NCOR1: variants seen among roughly 807,000 people sequenced by gnomAD.
The protein encoded by NCOR1 is nuclear receptor corepressor 1.
NCOR1 carries 63 observed loss-of-function variants against 288.1 expected under a neutral mutation model. The ratio of observed to expected loss-of-function variants is 0.22; its 90% CI spans 0.18 to 0.27. The LOEUF (loss-of-function observed/expected upper bound fraction) is 0.27. NCOR1 is among the 10% of genes least tolerant of loss of function. The pLI, the probability that NCOR1 is intolerant of heterozygous loss-of-function variation, is 1.00. For synonymous variants in NCOR1, 1,007 were observed against 1,065.9 expected, an observed-to-expected ratio of 0.94 and a Z score of 1.08; for missense variants, 2,397 against 3,019.2, an observed-to-expected ratio of 0.79 and a Z score of 4.83.
chr17:16,060,585 G>T (rs2060441019), intron 37 of NCOR1, among the ~76,000 whole-genome samples: 1 of 152,136 alleles, frequency 6.6e-6, no homozygotes, highest in East Asian at 1.9e-4. Context: ...CGGTAGATAT[G>T]ACGTAAACAA....
intron 1 of NCOR1, among the ~76,000 whole-genome samples, chr17:16,206,722 A>C (rs1265205337): frequency 6.6e-6 from 1 of 152,108 alleles, no homozygotes; most frequent in African/African-American, 2.4e-5. Flanking sequence ...ATGGGATATT[A>C]AGTTGCTGTT....
At chr17:16,070,927 G>T (rs1251875248) in intron 30 of NCOR1, among the ~76,000 whole-genome samples, 1 of 152,112 alleles carries the variant, frequency 6.6e-6, no homozygotes, top group African/African-American at 2.4e-5. Flanking sequence ...TACTCGGGAG[G>T]CTGGGGCAGG....
rs564891595 is a variant in NCOR1, at chr17:16,040,367, C to T, written c.6733+74G>A. 7 of 1,202,986 alleles carry T rather than the reference C, an allele frequency of 5.8e-6. No individual in the cohort carries two copies. In the South Asian group the frequency reaches 7.4e-5, roughly 13 times the overall value. The allele number at this position is 1,202,986 out of a possible 1,614,324, so 74.5% of individuals were successfully genotyped here. A position where few individuals can be genotyped will look rare whatever the true frequency, so the allele number is the denominator to read the frequency against. ...TCACTCCCCTGGTATACAGTTGGTA[C>T]TCAGTACATATTTGTTGGACTGACT... On this transcript the variant is annotated intron_variant, in intron 43 of 45. Coordinates refer to ENST00000268712, the MANE Select transcript of NCOR1 (RefSeq NM_006311.4).
At chr17:16,138,104 A>G in intron 13 of NCOR1, 54 bp downstream of exon 13, 1 of 1,465,586 alleles carries the variant, frequency 6.8e-7, no homozygotes, top group Non-Finnish European at 9.5e-7. Flanking sequence ...CAAGAATTTC[A>G]AAGTAACAAC....
chr17:16,189,261 G>A (rs1600229281), intron 2 of NCOR1, among the ~76,000 whole-genome samples: 2 of 152,174 alleles, frequency 1.3e-5, no homozygotes, highest in South Asian at 2.1e-4. Context: ...AGGCGTGGTG[G>A]CACATGTCTG....
At chr17:16,151,812 A>G in intron 8 of NCOR1, 134 bp downstream of exon 8, 2 of 950,684 alleles carry the variant, frequency 2.1e-6, no homozygotes, top group South Asian at 1.5e-5. Context: ...AACATATAAT[A>G]AAACGACAGC....
rs2152817594 is a variant in NCOR1, at chr17:16,080,669, G to C, written c.3236C>G (p.Pro1079Arg). ...AGAGATAGATCCCACTGACGGCTTGGGTGTTTCTTGAGTGTAGGAAGCCTG... is the reference window on the plus strand; with the variant it reads ...AGAGATAGATCCCACTGACGGCTTGCGTGTTTCTTGAGTGTAGGAAGCCTG... ...HNQASYTQET[P>R]KPSVGSISLG... Residue 1079 changes from proline (P) to arginine (R), a missense_variant, in exon 24 of 46, where the codon CCC becomes CGC. Physicochemically the swap from Pro to Arg is moderately radical, Grantham distance 103. Transcript: ENST00000268712. 2 of 1,613,964 alleles carry C rather than the reference G, an allele frequency of 1.2e-6. No homozygotes were observed. The highest frequency in any genetic ancestry group is 8.5e-7 in the Non-Finnish European group (1 of 1,179,966).
At chr17:16,109,018 G>A (rs1208142062) in intron 18 of NCOR1, 106 bp from the exon 19 acceptor site, 2 of 874,218 alleles carry the variant, frequency 2.3e-6, no homozygotes, top group Non-Finnish European at 3.2e-6. Flanking sequence ...CACCAGACAA[G>A]GAGGTCACAT....
At chr17:16,171,039 A>G (rs2083056026) in intron 4 of NCOR1, among the ~76,000 whole-genome samples, 1 of 152,114 alleles carries the variant, frequency 6.6e-6, no homozygotes, top group South Asian at 2.1e-4. Flanking sequence ...TATAGCTAAT[A>G]ATATGTATTA....
intron 16 of NCOR1, among the ~76,000 whole-genome samples, chr17:16,120,681 T>C (rs1169049026): frequency 2.0e-5 from 3 of 152,104 alleles, no homozygotes. Flanking sequence ...ATTACAGTGC[T>C]ATATACATTG....
At chr17:16,096,479 C>T (rs2066640497) in intron 21 of NCOR1, among the ~76,000 whole-genome samples, 1 of 152,034 alleles carries the variant, frequency 6.6e-6, no homozygotes, top group Non-Finnish European at 1.5e-5. Context: ...CTGGAGTTAG[C>T]CATAATCTCT....
At chr17:16,032,508 C>A (rs1972255643) in intron 45 of NCOR1, 25 bp from the exon 46 acceptor site, 2 of 1,557,986 alleles carry the variant, frequency 1.3e-6, no homozygotes, top group African/African-American at 1.4e-5. Flanking sequence ...ATTAGGTTTT[C>A]ATTGTCATGA....
chr17:16,072,118 A>C, intron 29 of NCOR1, 27 bp downstream of exon 29: 1 of 1,546,116 alleles, frequency 6.5e-7, no homozygotes, highest in East Asian at 2.3e-5. Context: ...GTTATAAATA[A>C]AAATGCAAAA....
At chr17:16,189,649 A>G (rs750765553) in intron 2 of NCOR1, among the ~76,000 whole-genome samples, 1 of 152,152 alleles carries the variant, frequency 6.6e-6, no homozygotes, top group Non-Finnish European at 1.5e-5. Flanking sequence ...ATAGAACAGC[A>G]TTTCTCTGAA....
intron 9 of NCOR1, among the ~76,000 whole-genome samples, chr17:16,149,248 A>C (rs2078488239): frequency 6.7e-6 from 1 of 149,968 alleles, no homozygotes; most frequent in Non-Finnish European, 1.5e-5. Flanking sequence ...ATAATATTAA[A>C]TGTAAGGTAT....
Position 16,091,921 on chromosome 17 carries a change from T to C in NCOR1, c.2958A>G (p.Glu986=), listed in dbSNP as rs61754983. 2 of 1,614,220 alleles carry C rather than the reference T, an allele frequency of 1.2e-6. No homozygotes were observed. Among genetic ancestry groups the C allele is most frequent in the Non-Finnish European group, 1.7e-6 (2 of 1,180,038 alleles). ...CACATGGACTTGTAGAACTTCTACA[T>C]TCCAAATCTATCTGTTCTTGTCTCT... The part of the protein sequence containing the change: ...QRQRQEQIDL[E]CRSSTSPCGT... The change falls in exon 22 of 46, where the codon GAA becomes GAG. Residue 986 remains glutamate, a synonymous_variant. Transcript: ENST00000268712.
In NCOR1 at chr17:16,142,636, A is replaced by G. The variant is rs371038263; in HGVS notation, c.1173+970T>C. On this transcript the variant is annotated intron_variant, in intron 11 of 45. Transcript: ENST00000268712. The stretch of plus-strand genomic sequence containing the variant: ...CAAAGATAGCCTGACCCAAAGGTTT[A>G]AAATAACCGCACTCATGAAGATGAC... 9.8e-5 allele frequency among the ~76,000 whole-genome samples: 15 copies of G among 152,334 alleles called. No individual in the cohort carries two copies. The East Asian group carries it at 1.5e-3, about 16-fold the overall frequency.
At chr17:16,086,882 G>C (rs150453145) in intron 22 of NCOR1, among the ~76,000 whole-genome samples, 1 of 152,160 alleles carries the variant, frequency 6.6e-6, no homozygotes, top group African/African-American at 2.4e-5. Context: ...GGCTCTCACA[G>C]AACACTTGAA....
At chr17:16,199,368 T>C (rs1393789255) in intron 1 of NCOR1, among the ~76,000 whole-genome samples, 1 of 152,030 alleles carries the variant, frequency 6.6e-6, no homozygotes, top group Non-Finnish European at 1.5e-5. Context: ...AACTTATCCA[T>C]GAGATACACG....
Sources: gnomAD v4.1 joint callset for allele counts (sites outside exome capture counted in the v4.1 genomes callset) on GRCh38, gnomAD v4.1.1 for gene constraint, MANE v1.5 for transcripts, NCBI Gene and HGNC (gene_info 2026-07-23, HGNC 2026-07-21) for gene names.